Variants in ASPRV1 observed in about 807,000 individuals in gnomAD.
ASPRV1 encodes the protein aspartic peptidase retroviral like 1.
Under a neutral mutation model 11.0 loss-of-function variants are expected in ASPRV1, and 7 were observed. The ratio of observed to expected loss-of-function variants is 0.64; its 90% CI spans 0.36 to 1.20. ASPRV1 has a LOEUF of 1.20. Among genes scored for constraint, ASPRV1 ranks in the 50% most tolerant of loss-of-function variants. ASPRV1 has a pLI of 0.02. For synonymous variants in ASPRV1, 136 were observed against 138.4 expected, an observed-to-expected ratio of 0.98 and a Z score of 0.12; for missense variants, 299 against 320.0, an observed-to-expected ratio of 0.93 and a Z score of 0.50.
the ASPRV1 span, among the ~76,000 whole-genome samples, chr2:69,974,451 T>C: frequency 6.6e-6 from 1 of 152,226 alleles, no homozygotes. Context: ...TAATTTTTCA[T>C]AATAGCTGGG....
chr2:70,009,454 C>T, the ASPRV1 span, among the ~76,000 whole-genome samples: 13 of 152,120 alleles, frequency 8.5e-5, no homozygotes, highest in South Asian at 2.1e-4. Flanking sequence ...CTCAGCCTCC[C>T]GAGTAGCTGG....
chr2:69,995,020 T>TAAA, the ASPRV1 span, among the ~76,000 whole-genome samples: 1 of 149,780 alleles, frequency 6.7e-6, no homozygotes, highest in South Asian at 2.1e-4. Flanking sequence ...AATAAATAAA[T>TAAA]TAATTAATTA....
chr2:70,068,003 C>G, the ASPRV1 span, among the ~76,000 whole-genome samples: 2 of 152,238 alleles, frequency 1.3e-5, no homozygotes, highest in African/African-American at 2.4e-5. Flanking sequence ...TTCACGTATT[C>G]TGGCTTCTCA....
the ASPRV1 span, chr2:70,049,166 C>T: frequency 6.8e-6 from 1 of 146,758 alleles, no homozygotes; most frequent in African/African-American, 2.5e-5. Context: ...TTAGGTATAT[C>T]TCCTAATGCT....
chr2:69,988,234 T>C, the ASPRV1 span, among the ~76,000 whole-genome samples: 41 of 152,354 alleles, frequency 2.7e-4, no homozygotes, highest in Middle Eastern at 3.4e-3. Context: ...AGCAGCATTA[T>C]TGGTTTGCAA....
chr2:70,014,024 A>G, the ASPRV1 span, among the ~76,000 whole-genome samples: 21 of 152,372 alleles, frequency 1.4e-4, no homozygotes, highest in African/African-American at 5.0e-4. Flanking sequence ...CATGGTAAAT[A>G]TTGTTAAAAC....
chr2:69,963,242 T>C (rs1204584774), upstream of ASPRV1: 1 of 455,678 alleles, frequency 2.2e-6, no homozygotes, highest in Non-Finnish European at 4.4e-6. Flanking sequence ...CATTGTGGCA[T>C]TCCAGGAGCC....
At position 69,961,513 on chromosome 2, in the gene ASPRV1, A is replaced by AT. The variant is rs1355242976; in HGVS notation, c.-78_-77insA. On this transcript the variant is annotated 5_prime_UTR_variant, in exon 1 of 1. In the 5' UTR this introduces an upstream ATG that the reference lacks. Transcript: ENST00000320256. Reference sequence around the variant, plus strand: ...CCCACAGAGCAGTGTCGGCGCAATCACGCTGGAAAACGGGGCCTCTCGAAG... The same window carrying AT: ...CCCACAGAGCAGTGTCGGCGCAATCATCGCTGGAAAACGGGGCCTCTCGAAG... 6.2e-7 allele frequency: 1 copy of AT among 1,614,128 alleles called. No individual in the cohort carries two copies. Among genetic ancestry groups the AT allele is most frequent in the East Asian group, 2.2e-5 (1 of 44,874 alleles).
chr2:70,005,086 G>A, the ASPRV1 span, among the ~76,000 whole-genome samples: 1 of 152,034 alleles, frequency 6.6e-6, no homozygotes, highest in Non-Finnish European at 1.5e-5. Context: ...TTTTGAGTCA[G>A]GGTCTCATTC....
chr2:70,007,907 C>T, the ASPRV1 span, among the ~76,000 whole-genome samples: 1 of 152,130 alleles, frequency 6.6e-6, no homozygotes, highest in Non-Finnish European at 1.5e-5. Context: ...GTGATCTCAG[C>T]TCACTGCAAC....
the ASPRV1 span, among the ~76,000 whole-genome samples, chr2:70,067,342 C>T: frequency 3.3e-5 from 5 of 152,136 alleles, no homozygotes; most frequent in African/African-American, 1.2e-4. Flanking sequence ...AAGCAGGGGG[C>T]TGCAAGACAT....
At chr2:70,081,776 G>A in the ASPRV1 span, among the ~76,000 whole-genome samples, 1 of 151,490 alleles carries the variant, frequency 6.6e-6, no homozygotes, top group Non-Finnish European at 1.5e-5. Flanking sequence ...GTAGAGACAG[G>A]GTCTCACCAT....
chr2:69,948,358 C>T, the ASPRV1 span, among the ~76,000 whole-genome samples: 10 of 152,350 alleles, frequency 6.6e-5, no homozygotes, highest in South Asian at 4.1e-4. Context: ...AGCTGTCCAG[C>T]GGCATGAAGG....
At chr2:70,082,992 G>A in the ASPRV1 span, among the ~76,000 whole-genome samples, 1 of 152,150 alleles carries the variant, frequency 6.6e-6, no homozygotes, top group South Asian at 2.1e-4. Flanking sequence ...CCTGCCCCCA[G>A]AGAACATAAG....
the ASPRV1 span, among the ~76,000 whole-genome samples, chr2:69,986,897 G>A: frequency 6.6e-6 from 1 of 152,216 alleles, no homozygotes; most frequent in South Asian, 2.1e-4. Context: ...GAGGCGTCCT[G>A]TCGCACAGTA....
chr2:70,024,828 C>T, the ASPRV1 span, among the ~76,000 whole-genome samples: 425 of 152,202 alleles, frequency 2.8e-3, 2 homozygotes, highest in Non-Finnish European at 4.6e-3. Context: ...AAGGCCTAAC[C>T]CTCAGCCTGT....
chr2:69,952,680 G>C, the ASPRV1 span, among the ~76,000 whole-genome samples: 1 of 152,158 alleles, frequency 6.6e-6, no homozygotes, highest in Admixed American at 6.5e-5. Context: ...ATCTGGGGCT[G>C]GATAGTTCTT....
chr2:70,082,794 T>C, the ASPRV1 span, among the ~76,000 whole-genome samples: 621 of 152,272 alleles, frequency 4.1e-3, 1 homozygote, highest in Non-Finnish European at 7.5e-3. Context: ...CTGAGGAGGC[T>C]GAGGTGGGAG....
the ASPRV1 span, chr2:70,012,145 A>T: frequency 6.7e-6 from 1 of 149,614 alleles, no homozygotes; most frequent in African/African-American, 2.5e-5. Context: ...GGGGGATCCA[A>T]GAGATCAACA....
Sources: allele counts gnomAD v4.1 joint callset (sites outside exome capture counted in the v4.1 genomes callset), GRCh38; gene constraint gnomAD v4.1.1; transcripts MANE v1.5; gene names NCBI Gene and HGNC (gene_info 2026-07-23, HGNC 2026-07-21).